Variants in PRPF38B observed in about 807,000 individuals in gnomAD.
The protein encoded by PRPF38B is pre-mRNA-splicing factor 38B.
PRPF38B carries 18 observed loss-of-function variants against 67.2 expected under a neutral mutation model. The ratio of observed to expected loss-of-function variants is 0.27; its 90% confidence interval spans 0.19 to 0.40. The LOEUF (loss-of-function observed/expected upper bound fraction) is 0.40. PRPF38B is among the 10% of genes least tolerant of loss of function. The pLI, the probability that PRPF38B is intolerant of heterozygous loss-of-function variation, is 1.00. For synonymous variants in PRPF38B, 246 were observed against 234.2 expected (o/e 1.05, Z -0.46); for missense variants, 544 against 684.9 (o/e 0.79, Z 2.30).
In PRPF38B at chr1:108,695,694, A is replaced by T. The variant is rs764728526; in HGVS notation, c.277-8A>T. 4 of 1,613,406 alleles carry T rather than the reference A, an allele frequency of 2.5e-6. No homozygotes were observed. ...AATGTTTGTTGTGTTCCTCTTTTCTATTTTCAGGTCACGCACGTTGAACCA... is the reference window on the plus strand; with the variant it reads ...AATGTTTGTTGTGTTCCTCTTTTCTTTTTTCAGGTCACGCACGTTGAACCA... On this transcript the variant is annotated splice_region_variant and splice_polypyrimidine_tract_variant and intron_variant, in intron 1 of 5. Coordinates refer to ENST00000370025, the MANE Select transcript of PRPF38B (RefSeq NM_018061.4).
chr1:108,701,121 T>C lies in PRPF38B; in HGVS notation c.*1101T>C, dbSNP rs1660449585. 6.5e-6 allele frequency: 1 copy of C among 152,692 alleles called. No homozygotes were observed. 9.5% of individuals were successfully genotyped at this position (152,692 alleles called of 1,614,324 possible). A position where few individuals can be genotyped will look rare whatever the true frequency, so the allele number is the denominator to read the frequency against. On this transcript the variant is annotated 3_prime_UTR_variant, in exon 6 of 6. Coordinates refer to ENST00000370025, the MANE Select transcript of PRPF38B (RefSeq NM_018061.4). ...AGCAAATTATTTGATAGATTGTTCT[T>C]ACAACTTGTATTCTGATTACAGAAC...
chr1:108,692,902 G>T (rs1174375595), intron 1 of PRPF38B, 35 bp downstream of exon 1: 25 of 1,585,500 alleles, frequency 1.6e-5, no homozygotes, highest in Non-Finnish European at 2.1e-5. Context: ...TTGGGGGTAA[G>T]TTCGGAAGAG....
At chr1:108,694,083 C>T (rs2101032964) in intron 1 of PRPF38B, among the ~76,000 whole-genome samples, 1 of 152,268 alleles carries the variant, frequency 6.6e-6, no homozygotes, top group South Asian at 2.1e-4. Context: ...TTATAGAAAA[C>T]ATCTCTTGAA....
Position 108,701,758 on chromosome 1 carries a change from A to G in PRPF38B, c.*1738A>G, listed in dbSNP as rs942166286. The stretch of plus-strand genomic sequence containing the variant: ...CTCCATATGTGGGCTTAACATATGT[A>G]CCACTCCATTTTAGAAAAATCTCAT... On this transcript the variant is annotated 3_prime_UTR_variant, in exon 6 of 6. Coordinates refer to ENST00000370025, the MANE Select transcript of PRPF38B (RefSeq NM_018061.4). The G allele has an allele frequency of 6.6e-6, 1 of 152,250 alleles. No individual in the cohort carries two copies. The highest frequency in any genetic ancestry group is 2.4e-5 in the African/African-American group (1 of 41,466). The allele number at this position is 152,250 out of a possible 1,614,324, so 9.4% of individuals were successfully genotyped here.
intron 1 of PRPF38B, among the ~76,000 whole-genome samples, chr1:108,694,168 T>C (rs1324037397): frequency 1.3e-5 from 2 of 152,254 alleles, no homozygotes; most frequent in African/African-American, 4.8e-5. Flanking sequence ...CTGATTGTAA[T>C]TCTATGAATT....
In PRPF38B at chr1:108,698,810, T is replaced by G. The variant is rs1297688189; in HGVS notation, c.765T>G (p.Val255=). Residue 255 remains valine (V), a synonymous_variant, in exon 5 of 6, where the codon GTT becomes GTG. Coordinates refer to ENST00000370025, the MANE Select transcript of PRPF38B (RefSeq NM_018061.4). ...GTGCTGAGGAAATAGACAGACATGT[T>G]GAACGCAGACGTTCAAGGTAATGTC... ...KEGAEEIDRH[V]ERRRSRSPRR... 7.4e-6 allele frequency: 12 copies of G among 1,612,656 alleles called. No homozygotes were observed. The highest frequency in any genetic ancestry group is 1.3e-5 in the African/African-American group (1 of 74,900).
rs1660333312 is a variant in PRPF38B, at chr1:108,700,146, C to G, written c.*126C>G. 1 of 1,403,210 alleles carries G rather than the reference C, an allele frequency of 7.1e-7. No individual in the cohort carries two copies. Among genetic ancestry groups the G allele is most frequent in the Non-Finnish European group, 9.4e-7 (1 of 1,069,490 alleles). The allele number at this position is 1,403,210 out of a possible 1,614,324, so 86.9% of individuals were successfully genotyped here. ...CTCCCTGTAGGCTGCATTTTCATTT[C>G]CTCTTTCGTGTAGGGAAGTGCCTTT... On this transcript the variant is annotated 3_prime_UTR_variant, in exon 6 of 6. Transcript: ENST00000370025.
In PRPF38B at chr1:108,702,196, G is replaced by C. The variant is rs1660570974; in HGVS notation, c.*2176G>C. On this transcript the variant is annotated 3_prime_UTR_variant, in exon 6 of 6. Coordinates refer to ENST00000370025, the MANE Select transcript of PRPF38B (RefSeq NM_018061.4). ...ACTGGAGTGCAGTGGTGCAATCTCTGCTCACTGCAGCCTCCACTTCCCTGG... is the reference window on the plus strand; with the variant it reads ...ACTGGAGTGCAGTGGTGCAATCTCTCCTCACTGCAGCCTCCACTTCCCTGG... Among the ~76,000 whole-genome samples the C allele has an allele frequency of 6.6e-6, 1 of 152,198 alleles. No homozygotes were observed. The highest frequency in any genetic ancestry group is 2.1e-4 in the South Asian group (1 of 4,834).
rs1490252959 is a variant in PRPF38B, at chr1:108,700,027, T to C, written c.*7T>C. On this transcript the variant is annotated 3_prime_UTR_variant, in exon 6 of 6. Coordinates refer to ENST00000370025, the MANE Select transcript of PRPF38B (RefSeq NM_018061.4). ...CAAAGATGAGACTGTGTGAAAATAT[T>C]TTGTAAAAGTGGATCACATTGAATC... 6.4e-7 allele frequency: 1 copy of C among 1,571,294 alleles called. No individual in the cohort carries two copies. Among genetic ancestry groups the C allele is most frequent in the African/African-American group, 1.4e-5 (1 of 72,324 alleles).
chr1:108,696,671 C>A (rs1176884416), intron 4 of PRPF38B: 1 of 710,562 alleles, frequency 1.4e-6, no homozygotes, highest in African/African-American at 1.8e-5. Context: ...TGCTCAAGAT[C>A]GAACAGATAA....
At chr1:108,697,470 TTTG>T (rs1479073510) in intron 4 of PRPF38B, 1 of 150,406 alleles carries the variant, frequency 6.6e-6, no homozygotes, top group Non-Finnish European at 1.5e-5. Context: ...TCTATTGTGT[TTTG>T]TTATTACATG....
chr1:108,696,519 AT>A, intron 4 of PRPF38B, 182 bp downstream of exon 4: 1 of 621,716 alleles, frequency 1.6e-6, no homozygotes, highest in Non-Finnish European at 2.8e-6. Flanking sequence ...TTTAGGGTAA[AT>A]TTCTGAAGTT....
chr1:108,702,614 A>C lies in PRPF38B; in HGVS notation c.*2594A>C, dbSNP rs1660623792. On this transcript the variant is annotated 3_prime_UTR_variant, in exon 6 of 6. Coordinates refer to ENST00000370025, the MANE Select transcript of PRPF38B (RefSeq NM_018061.4). ...GAAACATGAGAACATTTGGACACGA[A>C]CATCACACGCCGGGGCCTGTTGTGG... Among the ~76,000 whole-genome samples, 2 of 152,100 alleles carry C rather than the reference A, an allele frequency of 1.3e-5. No homozygotes were observed.
intron 5 of PRPF38B, 137 bp from the exon 6 acceptor site, chr1:108,699,025 A>AT: frequency 6.8e-7 from 1 of 1,477,210 alleles, no homozygotes; most frequent in Non-Finnish European, 9.0e-7. Flanking sequence ...GAACAATAAA[A>AT]TTTTTTGCTT....
chr1:108,692,906 G>T, intron 1 of PRPF38B, 39 bp downstream of exon 1: 1 of 1,580,428 alleles, frequency 6.3e-7, no homozygotes, highest in South Asian at 1.1e-5. Context: ...GGGTAAGTTC[G>T]GAAGAGGGGG....
chr1:108,692,967 G>A (rs1479334245), intron 1 of PRPF38B, 100 bp downstream of exon 1: 4 of 1,439,626 alleles, frequency 2.8e-6, no homozygotes, highest in Non-Finnish European at 3.7e-6. Flanking sequence ...ATTTGTGGGT[G>A]GGGGAAGGTG....
intron 1 of PRPF38B, 143 bp from the exon 2 acceptor site, chr1:108,695,559 A>C: frequency 1.4e-6 from 1 of 703,674 alleles, no homozygotes; most frequent in Non-Finnish European, 2.3e-6. Context: ...AATGATTTAC[A>C]CACTTAATAT....
intron 1 of PRPF38B, 142 bp downstream of exon 1, chr1:108,693,009 G>A (rs879555161): frequency 3.7e-6 from 4 of 1,084,840 alleles, no homozygotes; most frequent in Non-Finnish European, 5.1e-6. Context: ...GGCCTGTAGT[G>A]TGTCTGGGAG....
chr1:108,698,499 GT>G, intron 4 of PRPF38B, 104 bp from the exon 5 acceptor site: 31 of 874,802 alleles, frequency 3.5e-5, no homozygotes, highest in Non-Finnish European at 4.7e-5. Flanking sequence ...TTTTCTGTTA[GT>G]TTTTTTTGTA....
Sources: allele counts gnomAD v4.1 joint callset (sites outside exome capture counted in the v4.1 genomes callset), GRCh38; gene constraint gnomAD v4.1.1; transcripts MANE v1.5; gene names NCBI Gene and HGNC (gene_info 2026-07-23, HGNC 2026-07-21).